PSMG2: variants seen among roughly 807,000 people sequenced by gnomAD.
PSMG2 encodes proteasome assembly chaperone 2.
A neutral mutation model predicts 31.5 loss-of-function variants in PSMG2; 21 were observed. The observed-to-expected ratio is 0.67, with a 90% confidence interval of 0.47 to 0.96. The LOEUF is 0.96. Among genes scored for constraint, PSMG2 ranks in the 40% least tolerant of loss-of-function variants. The pLI, the probability that PSMG2 is intolerant of heterozygous loss-of-function variation, is 0.00. For synonymous variants in PSMG2, 120 were observed against 110.4 expected (o/e 1.09, Z -0.54); for missense variants, 318 against 321.2 (o/e 0.99, Z 0.08).
Position 12,686,091 on chromosome 18 carries a change from C to T in PSMG2, c.-36-20459C>T, listed in dbSNP as rs141271501. On this transcript the variant is annotated intron_variant, in intron 1 of 6. Transcript: ENST00000585331. ...TATTTTTTATTATTGTAATTTTTTA[C>T]TTTTGTAAGTATTTTTGATCTGCAG... The T allele has an allele frequency of 1.2e-3, 597 of 479,854 alleles. 1 individual carries two copies. Among genetic ancestry groups the T allele is most frequent in the African/African-American group, 0.011 (533 of 50,728 alleles). 29.7% of individuals were successfully genotyped at this position (479,854 alleles called of 1,614,324 possible). A position where few individuals can be genotyped will look rare whatever the true frequency, so the allele number is the denominator to read the frequency against.
intron 3 of PSMG2, among the ~76,000 whole-genome samples, chr18:12,715,010 G>T (rs968142454): frequency 1.3e-5 from 2 of 149,188 alleles, no homozygotes; most frequent in Non-Finnish European, 3.0e-5. Flanking sequence ...CACTGTGCCC[G>T]GCCCTCTTTT....
intron 1 of PSMG2, among the ~76,000 whole-genome samples, chr18:12,674,247 GGCA>G (rs1773310086): frequency 1.3e-5 from 2 of 151,888 alleles, no homozygotes; most frequent in African/African-American, 4.8e-5. Flanking sequence ...GACCAGCCTG[GGCA>G]ACATAGGAAG....
chr18:12,694,627 C>T (rs1383779806), intron 1 of PSMG2, among the ~76,000 whole-genome samples: 1 of 152,126 alleles, frequency 6.6e-6, no homozygotes, highest in East Asian at 1.9e-4. Context: ...TTTCAATAAA[C>T]GCCTGCGAAA....
chr18:12,701,855 G>A (rs2040164320), upstream of PSMG2, among the ~76,000 whole-genome samples: 1 of 152,232 alleles, frequency 6.6e-6, no homozygotes. Context: ...TATCTGCCGG[G>A]CGCGGAGGCT....
intron 1 of PSMG2, among the ~76,000 whole-genome samples, chr18:12,694,932 G>A (rs2039897260): frequency 6.6e-6 from 1 of 151,500 alleles, no homozygotes. Context: ...AGCCAGGATG[G>A]TCACGATCTC....
chr18:12,696,054 A>C (rs1358125478), intron 1 of PSMG2, among the ~76,000 whole-genome samples: 1 of 152,154 alleles, frequency 6.6e-6, no homozygotes, highest in East Asian at 1.9e-4. Flanking sequence ...AGTGAATCAG[A>C]ATCTGCTTGT....
chr18:12,695,329 C>CA, intron 1 of PSMG2: 1 of 1,546,352 alleles, frequency 6.5e-7, no homozygotes, highest in Non-Finnish European at 8.9e-7. Context: ...TTAAAATTCC[C>CA]ACAGAAACTT....
At chr18:12,704,892 A>T (rs1422733319) in intron 1 of PSMG2, among the ~76,000 whole-genome samples, 1 of 152,204 alleles carries the variant, frequency 6.6e-6, no homozygotes, top group African/African-American at 2.4e-5. Flanking sequence ...AAGTGGGAGA[A>T]CATGCTGAGG....
intron 5 of PSMG2, among the ~76,000 whole-genome samples, chr18:12,721,607 GTCTTT>G (rs775545257): frequency 2.6e-5 from 4 of 152,056 alleles, no homozygotes; most frequent in South Asian, 4.1e-4. Flanking sequence ...AATAATTTGA[GTCTTT>G]TCTTTTTTTT....
At chr18:12,695,131 A>T in intron 1 of PSMG2, 1 of 459,968 alleles carries the variant, frequency 2.2e-6, no homozygotes, top group Middle Eastern at 5.9e-4. Flanking sequence ...TGAACCTTTG[A>T]GTGCTAATCT....
chr18:12,678,178 T>A, intron 1 of PSMG2: 1 of 1,614,184 alleles, frequency 6.2e-7, no homozygotes, highest in Non-Finnish European at 8.5e-7. Context: ...ACGCGTCAAT[T>A]GTGGATGCAC....
chr18:12,714,196 ATT>A (rs2040356346), intron 3 of PSMG2, among the ~76,000 whole-genome samples: 1 of 152,222 alleles, frequency 6.6e-6, no homozygotes, highest in Admixed American at 6.5e-5. Context: ...TAATTCATAA[ATT>A]TAAAATTCAG....
chr18:12,725,653 G>C lies in PSMG2; in HGVS notation c.*122G>C. 3.4e-6 allele frequency: 2 copies of C among 595,190 alleles called. No individual in the cohort carries two copies. Among genetic ancestry groups the C allele is most frequent in the Non-Finnish European group, 5.4e-6 (2 of 370,506 alleles). 36.9% of individuals were successfully genotyped at this position (595,190 alleles called of 1,614,324 possible). A position where few individuals can be genotyped will look rare whatever the true frequency, so the allele number is the denominator to read the frequency against. ...AATTACTTTCACAGTAAATATCAAA[G>C]AAAAAAGATTAAGGGTCTCTTTGCC... is the stretch of plus-strand genomic sequence containing the variant. On this transcript the variant is annotated 3_prime_UTR_variant, in exon 7 of 7. Coordinates refer to ENST00000317615, the MANE Select transcript of PSMG2 (RefSeq NM_020232.5).
chr18:12,666,980 T>C (rs1316237874), intron 1 of PSMG2, among the ~76,000 whole-genome samples: 1 of 152,062 alleles, frequency 6.6e-6, no homozygotes, highest in Non-Finnish European at 1.5e-5. Flanking sequence ...TAAGCTAATA[T>C]AAATCTCAAT....
rs376057390 is a variant in PSMG2, at chr18:12,691,450, C to T, written c.-36-15100C>T. On this transcript the variant is annotated intron_variant, in intron 1 of 6. Coordinates refer to the PSMG2 transcript ENST00000585331. ...CTGCTTAGCATATACAAGAAATAAT[C>T]GCTCTTTCTCTGCAGTTTTCTGACG... 107 of 1,606,668 alleles carry T rather than the reference C, an allele frequency of 6.7e-5. No individual in the cohort carries two copies. The highest frequency in any genetic ancestry group is 8.8e-5 in the Non-Finnish European group (103 of 1,176,628).
intron 2 of PSMG2, among the ~76,000 whole-genome samples, chr18:12,707,766 A>G (rs779254178): frequency 3.3e-5 from 5 of 152,224 alleles, no homozygotes; most frequent in Non-Finnish European, 5.9e-5. Context: ...TCCAGAGGTG[A>G]CAGAAGAGCA....
upstream of PSMG2, chr18:12,699,237 C>A: frequency 2.2e-6 from 3 of 1,370,624 alleles, no homozygotes; most frequent in South Asian, 3.8e-5. Context: ...GAGGAAACTG[C>A]CAAATAACTT....
intron 1 of PSMG2, among the ~76,000 whole-genome samples, chr18:12,704,501 A>G (rs2040241944): frequency 6.6e-6 from 1 of 152,054 alleles, no homozygotes; most frequent in Non-Finnish European, 1.5e-5. Flanking sequence ...AGGTGGGAGG[A>G]TCACTTGAGC....
intron 1 of PSMG2, among the ~76,000 whole-genome samples, chr18:12,687,421 C>T (rs2145050409): frequency 6.6e-6 from 1 of 151,346 alleles, no homozygotes; most frequent in South Asian, 2.1e-4. Flanking sequence ...AGATTCCACT[C>T]ATACCTATAG....
Sources: gnomAD v4.1 joint callset for allele counts (sites outside exome capture counted in the v4.1 genomes callset) on GRCh38, gnomAD v4.1.1 for gene constraint, MANE v1.5 for transcripts, NCBI Gene and HGNC (gene_info 2026-07-23, HGNC 2026-07-21) for gene names.